Variants in POMGNT1 observed in about 807,000 individuals in gnomAD.
POMGNT1 encodes protein O-linked-mannose beta-1,2-N-acetylglucosaminyltransferase 1.
Under a neutral mutation model 95.6 loss-of-function variants are expected in POMGNT1, and 67 were observed. The ratio of observed to expected loss-of-function variants is 0.70; its 90% CI spans 0.58 to 0.86. The LOEUF is 0.86. Ranked by LOEUF, POMGNT1 falls within the 40% of genes least tolerant of loss-of-function variation. The pLI is 0.00. For synonymous variants in POMGNT1, 298 were observed against 317.9 expected (o/e 0.94, Z 0.66); for missense variants, 719 against 855.2 (o/e 0.84, Z 1.99).
At chr1:46,213,357 A>T (rs1449591032) in intron 1 of POMGNT1, among the ~76,000 whole-genome samples, 1 of 86,096 alleles carries the variant, frequency 1.2e-5, no homozygotes, top group East Asian at 5.7e-4. Context: ...CCATATTTTA[A>T]AAAGTATATA....
Position 46,194,660 on chromosome 1 carries a change from A to G in POMGNT1, c.653-9T>C. 6.2e-7 allele frequency: 1 copy of G among 1,614,090 alleles called. No individual in the cohort carries two copies. The highest frequency in any genetic ancestry group is 8.5e-7 in the Non-Finnish European group (1 of 1,179,900). On this transcript the variant is annotated splice_polypyrimidine_tract_variant and intron_variant, in intron 7 of 21. Coordinates refer to ENST00000371984, the MANE Select transcript of POMGNT1 (RefSeq NM_017739.4). ...CTCCCCGAAGACAGGACCTGGCAGG[A>G]GGCAGGAATGAGGGCCATGGGGGCC...
chr1:46,209,754 A>C (rs1473248945), intron 1 of POMGNT1, among the ~76,000 whole-genome samples: 1 of 151,486 alleles, frequency 6.6e-6, no homozygotes, highest in Non-Finnish European at 1.5e-5. Flanking sequence ...CGGGTAATCC[A>C]CTTGCCTCAG....
chr1:46,195,218 C>T (rs980055309), intron 6 of POMGNT1, among the ~76,000 whole-genome samples: 1 of 152,226 alleles, frequency 6.6e-6, no homozygotes, highest in African/African-American at 2.4e-5. Flanking sequence ...GCCTTCTTTT[C>T]CAACCACTCT....
chr1:46,205,090 T>C (rs566616163), intron 1 of POMGNT1, among the ~76,000 whole-genome samples: 1 of 152,108 alleles, frequency 6.6e-6, no homozygotes, highest in African/African-American at 2.4e-5. Flanking sequence ...AGACCCTGTC[T>C]CTACAAAAAA....
chr1:46,196,937 A>C lies in POMGNT1; in HGVS notation c.235+33T>G, dbSNP rs41309197. On this transcript the variant is annotated intron_variant, in intron 3 of 21. Transcript: ENST00000371984. This position sits in a 1 kb window ranked among gnomAD's most constrained non-coding sequence, Gnocchi z 4.4. The stretch of plus-strand genomic sequence containing the variant: ...CCTGCCACTCCAGCTGTGAGATCCA[A>C]GGCCCCCTACCCCATCCTTAGCCTA... 0.024 allele frequency: 39,063 copies of C among 1,614,094 alleles called. 808 individuals carry two copies. The highest frequency in any genetic ancestry group is 0.09 in the African/African-American group (6,731 of 75,006).
Position 46,193,404 on chromosome 1 carries a change from A to C in POMGNT1, c.1027-16T>G. On this transcript the variant is annotated splice_polypyrimidine_tract_variant and intron_variant, in intron 11 of 21. Coordinates refer to ENST00000371984, the MANE Select transcript of POMGNT1 (RefSeq NM_017739.4). ...CCATGGGTTCCTGGGGGACATGGCC[A>C]CTGCTCACCATGTGAGGTCACTTTC... The C allele has an allele frequency of 1.9e-6, 3 of 1,609,736 alleles. No individual in the cohort carries two copies. The highest frequency in any genetic ancestry group is 2.5e-6 in the Non-Finnish European group (3 of 1,177,850).
chr1:46,217,959 G>A (rs1659118953), intron 1 of POMGNT1, among the ~76,000 whole-genome samples: 1 of 152,168 alleles, frequency 6.6e-6, no homozygotes, highest in African/African-American at 2.4e-5. Flanking sequence ...TATAAATATG[G>A]AGATTAGGAG....
Position 46,192,421 on chromosome 1 carries a change from C to A in POMGNT1, c.1300G>T (p.Ala434Ser). 1 of 1,614,184 alleles carries A rather than the reference C, an allele frequency of 6.2e-7. No individual in the cohort carries two copies. Among genetic ancestry groups the A allele is most frequent in the Non-Finnish European group, 8.5e-7 (1 of 1,180,046 alleles). The change falls in exon 16 of 22, where the codon GCT (alanine) becomes TCT (serine). Residue 434 changes from alanine (A) to serine (S), a missense_variant. Physicochemically the swap from Ala to Ser is moderately conservative, Grantham distance 99. This residue lies in a region of POMGNT1 where 118 missense variants were observed against 153.6 expected (regional missense o/e 0.77). Transcript: ENST00000371984. Reference protein sequence around the residue: ...AWNDQGYEHTAEDPALLYRVE... With the variant: ...AWNDQGYEHTSEDPALLYRVE... ...CGGTACAGTAGTGCTGGGTCCTCAGCCGTGTGTTCATACCCCTGGGGACAG... is the reference window on the plus strand; with the variant it reads ...CGGTACAGTAGTGCTGGGTCCTCAGACGTGTGTTCATACCCCTGGGGACAG...
intron 1 of POMGNT1, among the ~76,000 whole-genome samples, chr1:46,214,629 G>A (rs1166734896): frequency 6.6e-6 from 1 of 151,918 alleles, no homozygotes; most frequent in Non-Finnish European, 1.5e-5. Flanking sequence ...GCACTTGGGA[G>A]GCCAAGGCAG....
upstream of POMGNT1, among the ~76,000 whole-genome samples, chr1:46,202,617 C>T (rs747364011): frequency 4.0e-5 from 6 of 148,558 alleles, no homozygotes; most frequent in Non-Finnish European, 5.9e-5. Context: ...ATTGCTTGAA[C>T]CCAGGGAGGC....
chr1:46,198,617 C>T (rs183360955), upstream of POMGNT1, among the ~76,000 whole-genome samples: 145 of 152,302 alleles, frequency 9.5e-4, no homozygotes, highest in African/African-American at 3.3e-3. Flanking sequence ...AGCTTCGCAG[C>T]CCGGCTGGCT....
At chr1:46,220,131 C>T (rs746836573) in exon 1 of POMGNT1, 2 of 1,614,192 alleles carry the variant, frequency 1.2e-6, no homozygotes, top group Non-Finnish European at 1.7e-6. Context: ...AGGTGGACCA[C>T]CTGAGTCACC....
intron 19 of POMGNT1, 86 bp downstream of exon 19, chr1:46,190,387 G>T: frequency 1.3e-6 from 2 of 1,482,860 alleles, no homozygotes; most frequent in Non-Finnish European, 1.9e-6. Flanking sequence ...TTTTCATTTT[G>T]CACAGGACCC....
intron 10 of POMGNT1, 99 bp from the exon 11 acceptor site, chr1:46,193,738 G>A: frequency 6.3e-7 from 1 of 1,599,892 alleles, no homozygotes; most frequent in Non-Finnish European, 8.5e-7. Flanking sequence ...CTTACCCACA[G>A]AGGTGAATGC....
At position 46,193,340 on chromosome 1, in the gene POMGNT1, T is replaced by G. The variant is rs761834155; in HGVS notation, c.1075A>C (p.Thr359Pro). 6.2e-7 allele frequency: 1 copy of G among 1,613,460 alleles called. No individual in the cohort carries two copies. The highest frequency in any genetic ancestry group is 1.7e-5 in the Admixed American group (1 of 59,886). ...ALFGLRGIQH[T>P]PISIKNARVS... The stretch of plus-strand genomic sequence containing the variant: ...CGGGCATTCTTGATGCTGATGGGAG[T>G]ATGCTGGATGCCCCTCAGACCAAAC... Residue 359 changes from threonine (T) to proline (P), a missense_variant, in exon 12 of 22, where the codon ACT becomes CCT. This residue lies in a region of POMGNT1 where 466 missense variants were observed against 517.4 expected (regional missense o/e 0.90). Transcript: ENST00000371984.
intron 6 of POMGNT1, 60 bp downstream of exon 6, chr1:46,195,751 G>C (rs1424431222): frequency 6.9e-6 from 10 of 1,454,578 alleles, no homozygotes; most frequent in Non-Finnish European, 9.4e-6. Context: ...AGAGAAGCCG[G>C]GGCTAGAAGC....
chr1:46,193,709 T>C lies in POMGNT1; in HGVS notation c.951-70A>G, dbSNP rs1657980820. Reference sequence around the variant, plus strand: ...ACTCAGGTTCCCCTGTGTTTACAGCTGGGCCCAGAGTCCCTATGCTTACCC... The same window carrying C: ...ACTCAGGTTCCCCTGTGTTTACAGCCGGGCCCAGAGTCCCTATGCTTACCC... On this transcript the variant is annotated intron_variant, in intron 10 of 21. Coordinates refer to ENST00000371984, the MANE Select transcript of POMGNT1 (RefSeq NM_017739.4). 2.5e-6 allele frequency: 4 copies of C among 1,609,166 alleles called. 1 individual carries two copies. In the East Asian group the frequency reaches 8.9e-5, roughly 36 times the overall value.
At position 46,194,570 on chromosome 1, in the gene POMGNT1, G is replaced by C; in HGVS notation, c.734C>G (p.Pro245Arg). Reference sequence around the variant, plus strand: ...AACTCCACCTTCTGCTGAGCTCAATGGCACATCTGTCTTCAGCAGGACTGG... The same window carrying C: ...AACTCCACCTTCTGCTGAGCTCAATCGCACATCTGTCTTCAGCAGGACTGG... ...GDPVLLKTDV[P>R]LSSAEEAECH... Residue 245 changes from proline (P) to arginine (R), a missense_variant, in exon 8 of 22, where the codon CCA (proline) becomes CGA (arginine). By Grantham distance (103) the Pro-to-Arg change is moderately radical. Coordinates refer to ENST00000371984, the MANE Select transcript of POMGNT1 (RefSeq NM_017739.4). 1 of 1,614,148 alleles carries C rather than the reference G, an allele frequency of 6.2e-7. No individual in the cohort carries two copies. Among genetic ancestry groups the C allele is most frequent in the Non-Finnish European group, 8.5e-7 (1 of 1,180,024 alleles).
At position 46,193,916 on chromosome 1, in the gene POMGNT1, T is replaced by G; in HGVS notation, c.889A>C (p.Asn297His). The part of the protein sequence containing the change: ...IEFSPDPLPD[N>H]KVLNVPVAVI... ...GCCACAGGCACATTGAGGACCTTGT[T>G]GTCTGGGAGCTGTGGGAGAAATAGC... Residue 297 changes from asparagine to histidine, a missense_variant, in exon 10 of 22, where the codon AAC becomes CAC. Transcript: ENST00000371984. 1 of 1,614,168 alleles carries G rather than the reference T, an allele frequency of 6.2e-7. No individual in the cohort carries two copies. Among genetic ancestry groups the G allele is most frequent in the Non-Finnish European group, 8.5e-7 (1 of 1,180,018 alleles).
Sources: gnomAD v4.1 joint callset for allele counts (sites outside exome capture counted in the v4.1 genomes callset) on GRCh38, gnomAD v4.1.1 for gene constraint, gnomAD v4.1.1 regional missense constraint, Gnocchi (gnomAD v3.1) non-coding constraint, MANE v1.5 for transcripts, NCBI Gene and HGNC (gene_info 2026-07-23, HGNC 2026-07-21) for gene names.